Variants in LUM observed in about 807,000 individuals in gnomAD.
LUM encodes the protein lumican, also known as KSPG lumican.
A neutral mutation model predicts 20.5 loss-of-function variants in LUM; 13 were observed. The ratio of observed to expected loss-of-function variants is 0.63; its 90% CI spans 0.41 to 1.01. The LOEUF (loss-of-function observed/expected upper bound fraction) is 1.01. Ranked by LOEUF, LUM falls within the 50% of genes least tolerant of loss-of-function variation. The probability of loss-of-function intolerance (pLI) is 0.00; values close to 1 mark genes in which losing one functional copy is unlikely to be tolerated. For missense variants in LUM, 321 were observed against 391.1 expected (o/e 0.82, Z 1.51); for synonymous variants, 173 against 151.5 (o/e 1.14, Z -1.04).
rs1491587521 is a variant in LUM, at chr12:91,107,305, GAA to G, written c.862+811_862+812del. Among the ~76,000 whole-genome samples the G allele has an allele frequency of 9.4e-3, 1,057 of 112,536 alleles. 15 individuals are homozygous for G. Among genetic ancestry groups the G allele is most frequent in the African/African-American group, 0.035 (973 of 27,450 alleles). The allele number at this position is 112,536 out of a possible 152,430, so 73.8% of individuals were successfully genotyped here. On this transcript the variant is annotated intron_variant, in intron 2 of 2. Transcript: ENST00000266718. ...AAAGAAAGAGAAAGAAAGAAAGAAAGAAAGAAAGAAAGAAAGAAAGAAAGAAA... is the reference window on the plus strand; with the variant it reads ...AAAGAAAGAGAAAGAAAGAAAGAAAGAGAAAGAAAGAAAGAAAGAAAGAAA...
chr12:91,103,455 T>C lies in LUM; in HGVS notation c.*710A>G, dbSNP rs1200640969. 4 of 152,104 alleles carry C rather than the reference T, an allele frequency of 2.6e-5. No homozygotes were observed. Among genetic ancestry groups the C allele is most frequent in the African/African-American group, 9.6e-5 (4 of 41,458 alleles). 9.4% of individuals were successfully genotyped at this position (152,104 alleles called of 1,614,324 possible). A position where few individuals can be genotyped will look rare whatever the true frequency, so the allele number is the denominator to read the frequency against. On this transcript the variant is annotated 3_prime_UTR_variant, in exon 3 of 3. Coordinates refer to ENST00000266718, the MANE Select transcript of LUM (RefSeq NM_002345.4). ...TCCTATGTTCACATCAGTAAAATAT[T>C]GCAGGCCAGAGATATCTTTTGATTT...
Position 91,108,276 on chromosome 12 carries a change from C to T in LUM, c.704G>A (p.Arg235His). ...ATCAGCCAGTTCGTTGTGAGATAAA[C>T]GCAGATACTGCAATGCATTAAAACG... ...FKRFNALQYL[R>H]LSHNELADSG... Residue 235 changes from arginine to histidine, a missense_variant, in exon 2 of 3, where the codon CGT becomes CAT. Coordinates refer to ENST00000266718, the MANE Select transcript of LUM (RefSeq NM_002345.4). The surrounding 1 kb of genome is among the most constrained non-coding windows in gnomAD (Gnocchi z 4.2). The T allele has an allele frequency of 6.2e-7, 1 of 1,614,118 alleles. No homozygotes were observed. The highest frequency in any genetic ancestry group is 8.5e-7 in the Non-Finnish European group (1 of 1,180,006).
At chr12:91,104,407 A>C in intron 2 of LUM, 88 bp from the exon 3 acceptor site, 2 of 868,572 alleles carry the variant, frequency 2.3e-6, no homozygotes, top group Non-Finnish European at 3.5e-6. Context: ...TATATTATAA[A>C]ATAGGACCTC....
rs1446943587 is a variant in LUM at position 91,104,216 on chromosome 12, T to C, written c.966A>G (p.Pro322=). Residue 322 remains proline (P), a synonymous_variant, in exon 3 of 3, where the codon CCA becomes CCG. Transcript: ENST00000266718. ...CACGTAGACATTCATACATATCCGG[T>C]GGAAGACTGGTTTCTGAGATGCGAT... ...DGNRISETSL[P]PDMYECLRVA... is the part of the protein sequence containing the mutation. 10 of 1,612,960 alleles carry C rather than the reference T, an allele frequency of 6.2e-6. No individual in the cohort carries two copies. Among genetic ancestry groups the C allele is most frequent in the African/African-American group, 1.3e-5 (1 of 75,002 alleles).
chr12:91,106,377 A>AT (rs1477427151), intron 2 of LUM, among the ~76,000 whole-genome samples: 1 of 151,918 alleles, frequency 6.6e-6, no homozygotes, highest in South Asian at 2.1e-4. Flanking sequence ...TTCCTGCTTG[A>AT]TTTTTTCATT....
Position 91,108,009 on chromosome 12 carries a change from G to T in LUM, c.862+109C>A. ...TTTACAGGAATGAGCCACAGCGCCC[G>T]GGCGACATTTTGTTTTTTTAATGGA... On this transcript the variant is annotated intron_variant, in intron 2 of 2. Transcript: ENST00000266718. The surrounding 1 kb of genome is among the most constrained non-coding windows in gnomAD (Gnocchi z 4.2). 1 of 1,277,034 alleles carries T rather than the reference G, an allele frequency of 7.8e-7. No individual in the cohort carries two copies. Among genetic ancestry groups the T allele is most frequent in the Non-Finnish European group, 1.1e-6 (1 of 878,022 alleles). The allele number at this position is 1,277,034 out of a possible 1,614,324, so 79.1% of individuals were successfully genotyped here.
At chr12:91,105,342 T>C (rs1265975556) in intron 2 of LUM, among the ~76,000 whole-genome samples, 2 of 152,190 alleles carry the variant, frequency 1.3e-5, no homozygotes, top group African/African-American at 4.8e-5. Flanking sequence ...AATTAAGTTG[T>C]GTAGAGCACT....
rs2121051622 is a variant in LUM at position 91,108,203 on chromosome 12, C to T, written c.777G>A (p.Leu259=). 6.2e-7 allele frequency: 1 copy of T among 1,614,066 alleles called. No homozygotes were observed. Among genetic ancestry groups the T allele is most frequent in the East Asian group, 2.2e-5 (1 of 44,864 alleles). The change falls in exon 2 of 3, where the codon CTG becomes CTA. Residue 259 remains leucine, a synonymous_variant. Transcript: ENST00000266718. The surrounding 1 kb of genome is among the most constrained non-coding windows in gnomAD (Gnocchi z 4.2). ...NSFNVSSLVE[L]DLSYNKLKNI... is the part of the protein sequence containing the mutation. ...TTTTAAGCTTGTTATAGGACAGATC[C>T]AGCTCAACCAGGGATGACACATTGA...
At chr12:91,109,519 G>T (rs1173816199) in intron 1 of LUM, among the ~76,000 whole-genome samples, 1 of 152,100 alleles carries the variant, frequency 6.6e-6, no homozygotes, top group African/African-American at 2.4e-5. Context: ...TCCTTTAAAA[G>T]TGTCTGGTTA....
intron 2 of LUM, among the ~76,000 whole-genome samples, chr12:91,106,945 A>T (rs947503758): frequency 4.6e-5 from 7 of 151,638 alleles, no homozygotes; most frequent in East Asian, 2.0e-4. Context: ...GCCAAGGCAG[A>T]TGGATCAGTT....
At chr12:91,106,563 T>C (rs986909248) in intron 2 of LUM, among the ~76,000 whole-genome samples, 1 of 151,164 alleles carries the variant, frequency 6.6e-6, no homozygotes, top group African/African-American at 2.4e-5. Context: ...TCCAAATGCA[T>C]CAGATCAAAC....
rs144214151 is a variant in LUM, at chr12:91,108,422, G to A, written c.558C>T (p.Leu186=). 3.1e-6 allele frequency: 5 copies of A among 1,613,970 alleles called. No homozygotes were observed. The highest frequency in any genetic ancestry group is 2.7e-5 in the African/African-American group (2 of 74,924). ...GATTGAAGCTCAAGTCAAGGTATTC[G>A]AGTGATTTAAGACCTTTAAAAGCAG... The part of the protein sequence containing the change: ...VSAAFKGLKS[L]EYLDLSFNQI... Residue 186 remains leucine (L), a synonymous_variant, in exon 2 of 3, where the codon CTC becomes CTT. Coordinates refer to ENST00000266718, the MANE Select transcript of LUM (RefSeq NM_002345.4). This position sits in a 1 kb window ranked among gnomAD's most constrained non-coding sequence, Gnocchi z 4.2.
In LUM at chr12:91,103,358, T is replaced by C. The variant is rs1447070533; in HGVS notation, c.*807A>G. 1 of 152,086 alleles carries C rather than the reference T, an allele frequency of 6.6e-6. No individual in the cohort carries two copies. Among genetic ancestry groups the C allele is most frequent in the Non-Finnish European group, 1.5e-5 (1 of 67,948 alleles). The allele number at this position is 152,086 out of a possible 1,614,324, so 9.4% of individuals were successfully genotyped here. On this transcript the variant is annotated 3_prime_UTR_variant, in exon 3 of 3. Transcript: ENST00000266718. ...ATCTAAGTAAGTTGTGAAATCTAAG[T>C]ACCTATTATAGGTGTTTTTAAGAAC...
intron 2 of LUM, among the ~76,000 whole-genome samples, chr12:91,107,371 A>AAG (rs752887695): frequency 2.7e-5 from 4 of 148,088 alleles, no homozygotes; most frequent in Non-Finnish European, 4.5e-5. Context: ...AAGAAAGAAA[A>AAG]AGAGAGAGAG....
rs1334063662 is a variant in LUM at position 91,107,223 on chromosome 12, G to GAAGA, written c.862+891_862+894dup. The stretch of plus-strand genomic sequence containing the variant: ...AAAAAGAAAGAAAGAAAGAGAGAAA[G>GAAGA]AAGAAAGAAAGAAAGGAAAGAAAGA... On this transcript the variant is annotated intron_variant, in intron 2 of 2. Transcript: ENST00000266718. 3.2e-4 allele frequency among the ~76,000 whole-genome samples: 15 copies of GAAGA among 46,768 alleles called. 1 individual carries two copies. The highest frequency in any genetic ancestry group is 1.1e-3 in the African/African-American group (15 of 13,682). 30.7% of individuals were successfully genotyped at this position (46,768 alleles called of 152,430 possible).
intron 2 of LUM, among the ~76,000 whole-genome samples, chr12:91,106,233 A>T (rs1386306713): frequency 6.6e-6 from 1 of 152,244 alleles, no homozygotes; most frequent in Non-Finnish European, 1.5e-5. Flanking sequence ...TCATATGCAT[A>T]AAATATATTG....
In LUM at chr12:91,108,167, A is replaced by C; in HGVS notation, c.813T>G (p.Thr271=). 1 of 1,614,060 alleles carries C rather than the reference A, an allele frequency of 6.2e-7. No homozygotes were observed. The highest frequency in any genetic ancestry group is 8.5e-7 in the Non-Finnish European group (1 of 1,179,932). The change falls in exon 2 of 3, where the codon ACT becomes ACG. Residue 271 remains threonine (T), a synonymous_variant. Transcript: ENST00000266718. The surrounding 1 kb of genome is among the most constrained non-coding windows in gnomAD (Gnocchi z 4.2). ...AATAGTTTTCAAGGTTTTCATTGAC[A>C]GTTGGTATGTTTTTAAGCTTGTTAT... The part of the protein sequence containing the change: ...LSYNKLKNIP[T]VNENLENYYL...
chr12:91,107,269 AAG>A (rs1491088276), intron 2 of LUM, among the ~76,000 whole-genome samples: 2 of 86,882 alleles, frequency 2.3e-5, no homozygotes, highest in South Asian at 8.0e-4. Flanking sequence ...GAAAGAAAGA[AAG>A]AAAGAAAGAA....
At position 91,103,190 on chromosome 12, in the gene LUM, C is replaced by A. The variant is rs1014269661; in HGVS notation, c.*975G>T. On this transcript the variant is annotated 3_prime_UTR_variant, in exon 3 of 3. Transcript: ENST00000266718. ...TATCTATTTCAGAAAATTTTATATT[C>A]ATTCATTTTTAATCCTGTGAGTTAT... is the stretch of plus-strand genomic sequence containing the variant. 6.6e-6 allele frequency: 1 copy of A among 152,014 alleles called. No individual in the cohort carries two copies. The highest frequency in any genetic ancestry group is 6.6e-5 in the Admixed American group (1 of 15,244). The allele number at this position is 152,014 out of a possible 1,614,324, so 9.4% of individuals were successfully genotyped here.
Sources: allele counts gnomAD v4.1 joint callset (sites outside exome capture counted in the v4.1 genomes callset), GRCh38; gene constraint gnomAD v4.1.1; non-coding constraint Gnocchi (gnomAD v3.1); transcripts MANE v1.5; gene names NCBI Gene and HGNC (gene_info 2026-07-23, HGNC 2026-07-21).